The following KCND3 variants were observed in gnomAD, a reference collection of about 807,000 sequenced individuals.
KCND3 encodes the protein A-type voltage-gated potassium channel KCND3.
In KCND3, 9 loss-of-function variants were observed where a neutral mutation model predicts 51.1. The ratio of observed to expected loss-of-function variants is 0.18; its 90% CI spans 0.11 to 0.31. KCND3 has a LOEUF of 0.31. Ranked by LOEUF, KCND3 falls within the 10% of genes least tolerant of loss-of-function variation. The pLI, the probability that KCND3 is intolerant of heterozygous loss-of-function variation, is 1.00. For missense variants in KCND3, 526 were observed against 903.8 expected, an observed-to-expected ratio of 0.58 and a Z score of 5.36; for synonymous variants, 349 against 368.0, an observed-to-expected ratio of 0.95 and a Z score of 0.59.
intron 2 of KCND3, among the ~76,000 whole-genome samples, chr1:111,840,522 G>C (rs1314849188): frequency 1.3e-5 from 2 of 151,778 alleles, no homozygotes; most frequent in African/African-American, 2.4e-5. Flanking sequence ...GAAGTGTTTA[G>C]AGTTTTCATT....
rs1272053798 is a variant in KCND3 at position 111,778,490 on chromosome 1, C to G, written c.1464G>C (p.Gly488=). The change falls in exon 6 of 8, where the codon GGG becomes GGC. Residue 488 remains glycine (G), a splice_region_variant and synonymous_variant. Transcript: ENST00000302127. ...GGGGATCATCCACAAGATAGGACAACCCCTACAGGACAACATGCCAACAGA... is the reference window on the plus strand; with the variant it reads ...GGGGATCATCCACAAGATAGGACAAGCCCTACAGGACAACATGCCAACAGA... ...HLLHCLEKTT[G]LSYLVDDPLL... is the part of the protein sequence containing the mutation. 1 of 1,613,698 alleles carries G rather than the reference C, an allele frequency of 6.2e-7. No homozygotes were observed. Among genetic ancestry groups the G allele is most frequent in the Non-Finnish European group, 8.5e-7 (1 of 1,179,716 alleles).
chr1:111,959,489 C>G (rs888178559), intron 2 of KCND3, among the ~76,000 whole-genome samples: 3 of 152,162 alleles, frequency 2.0e-5, no homozygotes, highest in Non-Finnish European at 4.4e-5. Context: ...CAGGGAGGGT[C>G]TCTCTCCTTC....
Position 111,982,775 on chromosome 1 carries a change from A to C in KCND3, c.-49T>G. On this transcript the variant is annotated 5_prime_UTR_variant, in exon 2 of 8. Coordinates refer to ENST00000302127, the MANE Select transcript of KCND3 (RefSeq NM_001378969.1). The surrounding 1 kb of genome is among the most constrained non-coding windows in gnomAD (Gnocchi z 8.5). ...CAGCCGCGCGGACGCTAGGCACACCAGCTTGGAGTTAGTTCAGCAAACCCT... is the reference window on the plus strand; with the variant it reads ...CAGCCGCGCGGACGCTAGGCACACCCGCTTGGAGTTAGTTCAGCAAACCCT... The C allele has an allele frequency of 6.4e-7, 1 of 1,566,068 alleles. No individual in the cohort carries two copies. The highest frequency in any genetic ancestry group is 8.6e-7 in the Non-Finnish European group (1 of 1,163,230).
chr1:111,831,339 C>A (rs1278081190), intron 2 of KCND3, among the ~76,000 whole-genome samples: 2 of 152,134 alleles, frequency 1.3e-5, no homozygotes, highest in African/African-American at 4.8e-5. Context: ...TGATTGGATC[C>A]TGGGGGCAGA....
intron 2 of KCND3, among the ~76,000 whole-genome samples, chr1:111,819,615 G>A (rs74112151): frequency 0.01 from 1,590 of 152,252 alleles, 23 homozygotes; most frequent in African/African-American, 0.036. Flanking sequence ...TCTTCCAGAG[G>A]GGCGGAAGAG....
intron 2 of KCND3, among the ~76,000 whole-genome samples, chr1:111,896,283 G>C (rs192896740): frequency 9.2e-5 from 14 of 152,334 alleles, no homozygotes; most frequent in Middle Eastern, 3.4e-3. Context: ...CTGAGTTGGA[G>C]GTGGTGAGAA....
intron 2 of KCND3, among the ~76,000 whole-genome samples, chr1:111,942,381 GT>G (rs954380533): frequency 1.3e-5 from 2 of 152,186 alleles, no homozygotes; most frequent in Admixed American, 1.3e-4. Flanking sequence ...ATCAAATGGG[GT>G]GGCTGACTGG....
At chr1:111,845,890 T>A (rs1667524364) in intron 2 of KCND3, among the ~76,000 whole-genome samples, 1 of 150,336 alleles carries the variant, frequency 6.7e-6, no homozygotes, top group African/African-American at 2.5e-5. Context: ...CCTTCCTGAA[T>A]AATGCCTTCA....
At chr1:111,806,732 A>T (rs1665589202) in intron 2 of KCND3, among the ~76,000 whole-genome samples, 1 of 152,230 alleles carries the variant, frequency 6.6e-6, no homozygotes, top group Admixed American at 6.5e-5. Flanking sequence ...TGAGGAAGTG[A>T]GAACTCAAAG....
At chr1:111,925,795 T>C (rs995272926) in intron 2 of KCND3, among the ~76,000 whole-genome samples, 2 of 152,032 alleles carry the variant, frequency 1.3e-5, no homozygotes, top group African/African-American at 2.4e-5. Context: ...GGTTAATGGG[T>C]CTGGCTCTGA....
intron 2 of KCND3, among the ~76,000 whole-genome samples, chr1:111,889,548 C>CT (rs199789347): frequency 3.3e-5 from 5 of 150,044 alleles, no homozygotes; most frequent in African/African-American, 4.9e-5. Flanking sequence ...GGTAAGAAAT[C>CT]TTTTTTTTTT....
intron 2 of KCND3, among the ~76,000 whole-genome samples, chr1:111,945,412 C>T (rs1032894170): frequency 5.9e-5 from 9 of 152,214 alleles, no homozygotes; most frequent in African/African-American, 9.6e-5. Context: ...CTCCCACTAA[C>T]GGAGCACTGC....
intron 2 of KCND3, among the ~76,000 whole-genome samples, chr1:111,859,138 T>C (rs143661524): frequency 1.0e-3 from 159 of 152,310 alleles, no homozygotes; most frequent in Admixed American, 1.8e-3. Flanking sequence ...GTTCCCACTG[T>C]TTTTAGAAGA....
At chr1:111,830,219 A>C (rs1666772700) in intron 2 of KCND3, among the ~76,000 whole-genome samples, 1 of 152,194 alleles carries the variant, frequency 6.6e-6, no homozygotes, top group Admixed American at 6.5e-5. Context: ...AAATGAATGA[A>C]TCTAAAAATG....
chr1:111,965,489 C>CACACACACACACACACACACACACACACA (rs1553184421), intron 2 of KCND3, among the ~76,000 whole-genome samples: 1 of 150,054 alleles, frequency 6.7e-6, no homozygotes. Context: ...CACACACACA[C>CACACACACACACACACACACACACACACA]GCCAGGAGCA....
In KCND3 at chr1:111,775,650, T is replaced by G; in HGVS notation, c.*427A>C. On this transcript the variant is annotated 3_prime_UTR_variant, in exon 8 of 8. Transcript: ENST00000302127. ...GAAAAAGGTGCTTAAATACACAGTG[T>G]TATATTTTCTTCCTGTTTTGCTTGT... 3.7e-6 allele frequency: 1 copy of G among 269,222 alleles called. No individual in the cohort carries two copies. The highest frequency in any genetic ancestry group is 4.6e-5 in the Admixed American group (1 of 21,756). 16.7% of individuals were successfully genotyped at this position (269,222 alleles called of 1,614,324 possible).
chr1:111,961,088 G>T (rs1348756867), intron 2 of KCND3, among the ~76,000 whole-genome samples: 1 of 152,324 alleles, frequency 6.6e-6, no homozygotes, highest in Middle Eastern at 3.4e-3. Context: ...TCTGTCCAGG[G>T]ACCCGGGCTA....
chr1:111,899,958 G>C (rs1319953079), intron 2 of KCND3, among the ~76,000 whole-genome samples: 1 of 152,156 alleles, frequency 6.6e-6, no homozygotes, highest in Admixed American at 6.5e-5. Context: ...CCAGAGCAGG[G>C]AATGATCACG....
At chr1:111,801,258 G>A (rs991413491) in intron 2 of KCND3, among the ~76,000 whole-genome samples, 6 of 152,228 alleles carry the variant, frequency 3.9e-5, no homozygotes, top group African/African-American at 1.4e-4. Context: ...AGGGCTCCAT[G>A]CAGTCTGTGC....
Sources: allele counts gnomAD v4.1 joint callset (sites outside exome capture counted in the v4.1 genomes callset), GRCh38; gene constraint gnomAD v4.1.1; non-coding constraint Gnocchi (gnomAD v3.1); transcripts MANE v1.5; gene names NCBI Gene and HGNC (gene_info 2026-07-23, HGNC 2026-07-21).